Variants in GAS7 observed in about 807,000 individuals in gnomAD.
The protein encoded by GAS7 is growth arrest-specific protein 7.
A neutral mutation model predicts 71.1 loss-of-function variants in GAS7; 28 were observed. The ratio of observed to expected loss-of-function variants is 0.39; its 90% CI spans 0.29 to 0.54. GAS7 has a LOEUF of 0.54. Among genes scored for constraint, GAS7 ranks in the 20% least tolerant of loss-of-function variants. GAS7 has a pLI of 0.62. For missense variants in GAS7, 436 were observed against 627.8 expected (o/e 0.69, Z 3.27); for synonymous variants, 258 against 245.8 (o/e 1.05, Z -0.46).
In GAS7 at chr17:9,974,412, C is replaced by T. The variant is rs981630470; in HGVS notation, c.386-4650G>A. ...AGGGTCAGCCACAAAACAAATGAGG[C>T]GAGAAGTGGGTGCTTCTGGGGCCTC... On this transcript the variant is annotated intron_variant, in intron 3 of 13. Transcript: ENST00000432992. This position sits in a 1 kb window ranked among gnomAD's most constrained non-coding sequence, Gnocchi z 4.0. Among the ~76,000 whole-genome samples the T allele has an allele frequency of 4.0e-5, 6 of 151,786 alleles. No homozygotes were observed. The highest frequency in any genetic ancestry group is 7.3e-5 in the African/African-American group (3 of 41,272).
At chr17:10,007,959 T>C (rs1326482952) in intron 2 of GAS7, among the ~76,000 whole-genome samples, 3 of 152,212 alleles carry the variant, frequency 2.0e-5, no homozygotes, top group Non-Finnish European at 4.4e-5. Context: ...AGGCGTTTCA[T>C]ATAAACAGAA....
chr17:9,959,931 C>A lies in GAS7; in HGVS notation c.472-676G>T, dbSNP rs956862917. Among the ~76,000 whole-genome samples, 1 of 152,198 alleles carries A rather than the reference C, an allele frequency of 6.6e-6. No homozygotes were observed. The highest frequency in any genetic ancestry group is 2.1e-4 in the South Asian group (1 of 4,830). On this transcript the variant is annotated intron_variant, in intron 4 of 13. Transcript: ENST00000432992. This position sits in a 1 kb window ranked among gnomAD's most constrained non-coding sequence, Gnocchi z 5.0. Reference sequence around the variant, plus strand: ...CAGCAGTTTGCCAAAGTCCTGGGATCGTTCTGGCAGAGAAAATTAAGGACT... The same window carrying A: ...CAGCAGTTTGCCAAAGTCCTGGGATAGTTCTGGCAGAGAAAATTAAGGACT...
rs1262673110 is a variant in GAS7 at position 9,914,803 on chromosome 17, G to A, written c.*2425C>T. The A allele has an allele frequency of 8.7e-6, 2 of 229,416 alleles. No homozygotes were observed. The highest frequency in any genetic ancestry group is 2.2e-5 in the African/African-American group (1 of 45,136). The allele number at this position is 229,416 out of a possible 1,614,324, so 14.2% of individuals were successfully genotyped here. ...CCATCTTACATACAACTAGAGCGCC[G>A]CTTCTCAGCATGCCTGGCTTGTCTT... On this transcript the variant is annotated 3_prime_UTR_variant, in exon 14 of 14. Coordinates refer to ENST00000432992, the MANE Select transcript of GAS7 (RefSeq NM_201433.2).
In GAS7 at chr17:9,979,419, C is replaced by T. The variant is rs78876852; in HGVS notation, c.385+2385G>A. 4.5e-3 allele frequency among the ~76,000 whole-genome samples: 688 copies of T among 152,278 alleles called. 14 individuals are homozygous for T. The highest frequency in any genetic ancestry group is 0.041 in the East Asian group (213 of 5,180). On this transcript the variant is annotated intron_variant, in intron 3 of 13. Transcript: ENST00000432992. Reference sequence around the variant, plus strand: ...ACCTTTCTCAGCCCCCTTTAGGGGCCCAGCACACAGTGCAGCGCTGGACAG... The same window carrying T: ...ACCTTTCTCAGCCCCCTTTAGGGGCTCAGCACACAGTGCAGCGCTGGACAG...
chr17:10,044,755 C>G (rs2072923527), intron 1 of GAS7, among the ~76,000 whole-genome samples: 1 of 152,130 alleles, frequency 6.6e-6, no homozygotes, highest in Non-Finnish European at 1.5e-5. Flanking sequence ...TGAGGGTCAA[C>G]TGTAGTTAAG....
At position 10,006,836 on chromosome 17, in the gene GAS7, A is replaced by G. The variant is rs796297297; in HGVS notation, c.304+12941T>C. Among the ~76,000 whole-genome samples the G allele has an allele frequency of 2.5e-4, 38 of 152,360 alleles. 1 individual carries two copies. The highest frequency in any genetic ancestry group is 9.1e-4 in the African/African-American group (38 of 41,578). On this transcript the variant is annotated intron_variant, in intron 2 of 13. Coordinates refer to ENST00000432992, the MANE Select transcript of GAS7 (RefSeq NM_201433.2). ...CAAGTCAGCCACGCTGATGACACTT[A>G]AGAATATAAACACTGGCCAGGTGAA...
At position 10,107,343 on chromosome 17, in the gene GAS7, G is replaced by A. The variant is rs377214626; in HGVS notation, c.184-87446C>T. ...GCCCCAGGTTCAAGAGGCCAAAGAC[G>A]AGACACAGAGCCAGCCAATGAGACA... On this transcript the variant is annotated intron_variant, in intron 1 of 13. Transcript: ENST00000432992. 7.2e-4 allele frequency among the ~76,000 whole-genome samples: 109 copies of A among 152,310 alleles called. 1 individual carries two copies. Among genetic ancestry groups the A allele is most frequent in the Non-Finnish European group, 4.6e-4 (31 of 68,030 alleles).
intron 1 of GAS7, among the ~76,000 whole-genome samples, chr17:10,111,556 C>A (rs11654962): frequency 0.56 from 82,817 of 146,798 alleles, 23,693 homozygotes; most frequent in Admixed American, 0.61. Flanking sequence ...AACAAACAAA[C>A]AAAAAACCAG....
At position 9,959,641 on chromosome 17, in the gene GAS7, C is replaced by A; in HGVS notation, c.472-386G>T. ...CTGGGGAGAAGAGAGTTAAGGCCAC[C>A]ACCTCCTGGCACTGAGGAATCAGCA... On this transcript the variant is annotated intron_variant, in intron 4 of 13. Transcript: ENST00000432992. This position sits in a 1 kb window ranked among gnomAD's most constrained non-coding sequence, Gnocchi z 5.0. 1 of 323,590 alleles carries A rather than the reference C, an allele frequency of 3.1e-6. No homozygotes were observed. Among genetic ancestry groups the A allele is most frequent in the East Asian group, 5.0e-5 (1 of 20,010 alleles). The allele number at this position is 323,590 out of a possible 1,614,324, so 20.0% of individuals were successfully genotyped here.
At chr17:10,023,325 A>G (rs1173253255) in intron 1 of GAS7, among the ~76,000 whole-genome samples, 1 of 152,246 alleles carries the variant, frequency 6.6e-6, no homozygotes. Context: ...GTCAAAAGAC[A>G]TGGAGACAAC....
rs186344916 is a variant in GAS7 at position 10,189,599 on chromosome 17, T to G, written c.183+8609A>C. On this transcript the variant is annotated intron_variant, in intron 1 of 13. Coordinates refer to ENST00000432992, the MANE Select transcript of GAS7 (RefSeq NM_201433.2). Reference sequence around the variant, plus strand: ...AAACACACTCCTCTACTCAGGGTTATGTACATCTGCAGTCCCCCTCAGCCT... The same window carrying G: ...AAACACACTCCTCTACTCAGGGTTAGGTACATCTGCAGTCCCCCTCAGCCT... Among the ~76,000 whole-genome samples, 321 of 152,090 alleles carry G rather than the reference T, an allele frequency of 2.1e-3. 1 individual carries two copies. Among genetic ancestry groups the G allele is most frequent in the African/African-American group, 7.2e-3 (297 of 41,494 alleles).
chr17:10,160,340 A>T (rs971315469), intron 1 of GAS7, among the ~76,000 whole-genome samples: 1 of 152,284 alleles, frequency 6.6e-6, no homozygotes, highest in South Asian at 2.1e-4. Context: ...TTTCTCTTTG[A>T]TTTTGTCCCT....
At chr17:10,169,168 A>C (rs1291213249) in intron 1 of GAS7, among the ~76,000 whole-genome samples, 1 of 152,022 alleles carries the variant, frequency 6.6e-6, no homozygotes, top group Non-Finnish European at 1.5e-5. Context: ...CGCTACTCTG[A>C]AGCAGGAGAA....
intron 1 of GAS7, among the ~76,000 whole-genome samples, chr17:10,062,351 G>A (rs1303264561): frequency 6.6e-6 from 1 of 152,198 alleles, no homozygotes; most frequent in Non-Finnish European, 1.5e-5. Flanking sequence ...TAGGCATGGT[G>A]GTGCACACGT....
intron 1 of GAS7, among the ~76,000 whole-genome samples, chr17:10,086,764 G>C (rs2073524260): frequency 1.3e-5 from 2 of 152,218 alleles, no homozygotes; most frequent in South Asian, 4.1e-4. Context: ...ATTTGGTTCA[G>C]TCCTAGGCAT....
rs1393699775 is a variant in GAS7, at chr17:9,919,788, C to A, written c.1139-83G>T. On this transcript the variant is annotated intron_variant, in intron 11 of 13. Coordinates refer to ENST00000432992, the MANE Select transcript of GAS7 (RefSeq NM_201433.2). This position sits in a 1 kb window ranked among gnomAD's most constrained non-coding sequence, Gnocchi z 5.0. Reference sequence around the variant, plus strand: ...CCCCACCCTGAGCCCCACAGCCAAGCCTTCTCCTCCCCCTGGGGTCATGGT... The same window carrying A: ...CCCCACCCTGAGCCCCACAGCCAAGACTTCTCCTCCCCCTGGGGTCATGGT... The A allele has an allele frequency of 2.0e-5, 20 of 991,274 alleles. No homozygotes were observed. The highest frequency in any genetic ancestry group is 1.0e-4 in the Admixed American group (6 of 58,880). 61.4% of individuals were successfully genotyped at this position (991,274 alleles called of 1,614,324 possible).
At chr17:9,967,226 T>C (rs78770201) in intron 4 of GAS7, among the ~76,000 whole-genome samples, 10,470 of 151,594 alleles carry the variant, frequency 0.069, 1,208 homozygotes, top group African/African-American at 0.24. Flanking sequence ...AAAAGTAAAA[T>C]GTGTTCATTT....
At chr17:9,937,430 C>T (rs1285688919) in intron 8 of GAS7, among the ~76,000 whole-genome samples, 2 of 152,258 alleles carry the variant, frequency 1.3e-5, no homozygotes, top group Non-Finnish European at 2.9e-5. Context: ...TTAGGAAAGC[C>T]CCTTGCCAGG....
At chr17:10,157,583 CTGAG>C (rs1398686647) in intron 1 of GAS7, among the ~76,000 whole-genome samples, 1 of 152,196 alleles carries the variant, frequency 6.6e-6, no homozygotes, top group African/African-American at 2.4e-5. Flanking sequence ...CAATTTTGGG[CTGAG>C]TTTTAACAAA....
Sources: allele counts gnomAD v4.1 joint callset (sites outside exome capture counted in the v4.1 genomes callset), GRCh38; gene constraint gnomAD v4.1.1; non-coding constraint Gnocchi (gnomAD v3.1); transcripts MANE v1.5; gene names NCBI Gene and HGNC (gene_info 2026-07-23, HGNC 2026-07-21).